TARDBP: variants seen among roughly 807,000 people sequenced by gnomAD.
TARDBP encodes TAR DNA-binding protein 43.
A neutral mutation model predicts 38.3 loss-of-function variants in TARDBP; 4 were observed. That is an observed-to-expected ratio of 0.10 (90% confidence interval 0.05 to 0.24). The LOEUF (loss-of-function observed/expected upper bound fraction) is 0.24. TARDBP is among the 10% of genes least tolerant of loss of function. The pLI is 1.00. For missense variants in TARDBP, 202 were observed against 521.9 expected (o/e 0.39, Z 5.97); for synonymous variants, 184 against 183.8 (o/e 1.00, Z -0.01).
intron 2 of TARDBP, among the ~76,000 whole-genome samples, chr1:11,014,806 G>A (rs1198562522): frequency 6.6e-6 from 1 of 152,108 alleles, no homozygotes; most frequent in Non-Finnish European, 1.5e-5. Flanking sequence ...ATGTGGTGGT[G>A]GGTGCCTGTA....
chr1:11,019,281 G>T, intron 4 of TARDBP: 1 of 308,572 alleles, frequency 3.2e-6, no homozygotes, highest in African/African-American at 2.2e-5. Flanking sequence ...CCAAGAGATT[G>T]CTTATTTATT....
chr1:11,020,922 A>G (rs889860189), intron 5 of TARDBP, among the ~76,000 whole-genome samples: 3 of 152,082 alleles, frequency 2.0e-5, no homozygotes, highest in Non-Finnish European at 4.4e-5. Context: ...CAAAAAAAAA[A>G]ATATGTCCCA....
At chr1:11,030,230 C>T (rs61735593), downstream of TARDBP, 1,734 of 1,613,520 alleles carry the variant, frequency 1.1e-3, 21 homozygotes, top group African/African-American at 0.021. Flanking sequence ...CAGAATCCAT[C>T]AGCCTCACAC....
chr1:11,020,325 A>G, intron 4 of TARDBP, 104 bp from the exon 5 acceptor site: 1 of 1,372,586 alleles, frequency 7.3e-7, no homozygotes, highest in South Asian at 1.2e-5. Context: ...TTAATGGTTC[A>G]CTGCTATCCA....
At position 11,022,334 on chromosome 1, in the gene TARDBP, G is replaced by A. The variant is rs1419402299; in HGVS notation, c.925G>A (p.Gly309Ser). The A allele has an allele frequency of 9.9e-6, 16 of 1,613,832 alleles. No homozygotes were observed. Among genetic ancestry groups the A allele is most frequent in the Non-Finnish European group, 1.4e-5 (16 of 1,179,880 alleles). Residue 309 changes from glycine to serine, a missense_variant, in exon 6 of 6, where the codon GGT (glycine) becomes AGT (serine). By Grantham distance (56) the Gly-to-Ser change is moderately conservative. Coordinates refer to ENST00000240185, the MANE Select transcript of TARDBP (RefSeq NM_007375.4). This position sits in a 1 kb window ranked among gnomAD's most constrained non-coding sequence, Gnocchi z 4.5. Reference protein sequence around the residue: ...LGNNQGSNMGGGMNFGAFSIN... With the variant: ...LGNNQGSNMGSGMNFGAFSIN... ...AAACAATCAAGGTAGTAATATGGGT[G>A]GTGGGATGAACTTTGGTGCGTTCAG...
chr1:11,016,491 G>GA (rs2100844221), intron 2 of TARDBP, among the ~76,000 whole-genome samples: 1 of 152,252 alleles, frequency 6.6e-6, no homozygotes, highest in South Asian at 2.1e-4. Flanking sequence ...GAATGTTTAG[G>GA]AAAGATAAAA....
Position 11,022,900 on chromosome 1 carries a change from G to C in TARDBP, c.*246G>C. ...GTTGAAAGTGAACTGCTGTTTGCCT[G>C]ATTGGTAAACCAACACACTACAATT... On this transcript the variant is annotated 3_prime_UTR_variant, in exon 6 of 6. Coordinates refer to ENST00000240185, the MANE Select transcript of TARDBP (RefSeq NM_007375.4). The surrounding 1 kb of genome is among the most constrained non-coding windows in gnomAD (Gnocchi z 4.5). 2 of 1,361,746 alleles carry C rather than the reference G, an allele frequency of 1.5e-6. No individual in the cohort carries two copies. The highest frequency in any genetic ancestry group is 1.9e-6 in the Non-Finnish European group (2 of 1,058,932). 84.4% of individuals were successfully genotyped at this position (1,361,746 alleles called of 1,614,324 possible).
At chr1:11,020,648 C>G in intron 5 of TARDBP, 49 bp downstream of exon 5, 1 of 1,534,460 alleles carries the variant, frequency 6.5e-7, no homozygotes, top group Non-Finnish European at 8.7e-7. Context: ...GTGGCTCATG[C>G]TTACAATCCC....
chr1:11,021,650 T>C (rs2100854948), intron 5 of TARDBP, among the ~76,000 whole-genome samples: 2 of 152,274 alleles, frequency 1.3e-5, no homozygotes, highest in Admixed American at 1.3e-4. Flanking sequence ...AACACAGTGG[T>C]GTAATCATAG....
In TARDBP at chr1:11,023,515, TG is replaced by T; in HGVS notation, c.*863del. 2.0e-6 allele frequency: 1 copy of T among 502,220 alleles called. No homozygotes were observed. The highest frequency in any genetic ancestry group is 3.5e-6 in the Non-Finnish European group (1 of 282,880). 31.1% of individuals were successfully genotyped at this position (502,220 alleles called of 1,614,324 possible). On this transcript the variant is annotated 3_prime_UTR_variant, in exon 6 of 6. Coordinates refer to ENST00000240185, the MANE Select transcript of TARDBP (RefSeq NM_007375.4). Reference sequence around the variant, plus strand: ...AAAGGAGAGAGCGCGTGCAGAGACTTGGTGGTGCATAATGGATATTTTTTAA... The same window carrying T: ...AAAGGAGAGAGCGCGTGCAGAGACTTGTGGTGCATAATGGATATTTTTTAA...
chr1:11,030,481 G>A (rs1252291915), downstream of TARDBP: 1 of 579,136 alleles, frequency 1.7e-6, no homozygotes, highest in African/African-American at 1.9e-5. Context: ...GATCTCAAGT[G>A]CTTAATGATA....
In TARDBP at chr1:11,023,032, T is replaced by A; in HGVS notation, c.*378T>A. On this transcript the variant is annotated 3_prime_UTR_variant, in exon 6 of 6. Coordinates refer to ENST00000240185, the MANE Select transcript of TARDBP (RefSeq NM_007375.4). Reference sequence around the variant, plus strand: ...GATTAGAACTACATTCTTTACCCCTTGTTTTAATTTGAACCCCACCATATG... The same window carrying A: ...GATTAGAACTACATTCTTTACCCCTAGTTTTAATTTGAACCCCACCATATG... 1.4e-6 allele frequency: 2 copies of A among 1,429,300 alleles called. No homozygotes were observed. Among genetic ancestry groups the A allele is most frequent in the South Asian group, 3.2e-5 (2 of 62,938 alleles). 88.5% of individuals were successfully genotyped at this position (1,429,300 alleles called of 1,614,324 possible).
chr1:11,027,173 C>T (rs754681880), downstream of TARDBP: 26 of 1,613,950 alleles, frequency 1.6e-5, no homozygotes, highest in East Asian at 4.5e-5. Context: ...GGTCAACAAT[C>T]GGTATGTCGA....
intron 3 of TARDBP, among the ~76,000 whole-genome samples, chr1:11,017,990 C>T (rs1421623448): frequency 2.0e-5 from 3 of 152,010 alleles, no homozygotes; most frequent in African/African-American, 4.8e-5. Context: ...TCATGCCATT[C>T]TCCTGCCTCA....
At chr1:11,014,134 C>T (rs1308689537) in intron 2 of TARDBP, among the ~76,000 whole-genome samples, 169 bp downstream of exon 2, 1 of 152,096 alleles carries the variant, frequency 6.6e-6, no homozygotes, top group Non-Finnish European at 1.5e-5. Flanking sequence ...TTTATGGAAA[C>T]TGGGGATTGT....
chr1:11,023,447 A>T lies in TARDBP; in HGVS notation c.*793A>T. ...CTGAACTTTTGAAACCTTGTGTGGG[A>T]TTGATGGTGGTGCCGAGGCATGAAA... On this transcript the variant is annotated 3_prime_UTR_variant, in exon 6 of 6. Coordinates refer to ENST00000240185, the MANE Select transcript of TARDBP (RefSeq NM_007375.4). 1 of 628,328 alleles carries T rather than the reference A, an allele frequency of 1.6e-6. No individual in the cohort carries two copies. The highest frequency in any genetic ancestry group is 2.8e-6 in the Non-Finnish European group (1 of 363,122). The allele number at this position is 628,328 out of a possible 1,614,324, so 38.9% of individuals were successfully genotyped here.
At chr1:11,020,200 T>G (rs948962317) in intron 4 of TARDBP, among the ~76,000 whole-genome samples, 3 of 152,176 alleles carry the variant, frequency 2.0e-5, no homozygotes, top group Non-Finnish European at 4.4e-5. Context: ...TGTATTTATA[T>G]CCATCATTAT....
At chr1:11,030,236 C>T (rs900188679), downstream of TARDBP, 6 of 1,613,414 alleles carry the variant, frequency 3.7e-6, no homozygotes, top group Non-Finnish European at 5.1e-6. Context: ...CCATCAGCCT[C>T]ACACACATAT....
In TARDBP at chr1:11,016,838, A is replaced by G; in HGVS notation, c.239-6A>G. 6.2e-7 allele frequency: 1 copy of G among 1,613,830 alleles called. No individual in the cohort carries two copies. Among genetic ancestry groups the G allele is most frequent in the Non-Finnish European group, 8.5e-7 (1 of 1,179,956 alleles). On this transcript the variant is annotated splice_polypyrimidine_tract_variant and splice_region_variant and intron_variant, in intron 2 of 5. Transcript: ENST00000240185. ...TTTCTAAAAGGTTTCTGCTCGTTTT[A>G]TTTAGATAACAAAAGAAAAATGGAT...
Sources: gnomAD v4.1 joint callset for allele counts (sites outside exome capture counted in the v4.1 genomes callset) on GRCh38, gnomAD v4.1.1 for gene constraint, Gnocchi (gnomAD v3.1) non-coding constraint, MANE v1.5 for transcripts, NCBI Gene and HGNC (gene_info 2026-07-23, HGNC 2026-07-21) for gene names.